The following POU2F1 variants were observed in gnomAD, a reference collection of about 807,000 sequenced individuals.
POU2F1 encodes the protein POU class 2 homeobox 1, also known as POU domain, class 2, transcription factor 1.
POU2F1 carries 16 observed loss-of-function variants against 84.9 expected under a neutral mutation model. That is an observed-to-expected ratio of 0.19 (90% CI 0.13 to 0.29). POU2F1 has a LOEUF of 0.29. Ranked by LOEUF, POU2F1 falls within the 10% of genes least tolerant of loss-of-function variation. The pLI, the probability that POU2F1 is intolerant of heterozygous loss-of-function variation, is 1.00. For synonymous variants in POU2F1, 368 were observed against 368.3 expected, an observed-to-expected ratio of 1.00 and a Z score of 0.01; for missense variants, 738 against 942.6, an observed-to-expected ratio of 0.78 and a Z score of 2.84.
intron 11 of POU2F1, 30 bp downstream of exon 11, chr1:167,398,163 G>C (rs1648943593): frequency 2.5e-6 from 4 of 1,609,662 alleles, no homozygotes; most frequent in Non-Finnish European, 3.4e-6. Flanking sequence ...TTCTGTACAT[G>C]GGATTGTCTG....
At chr1:167,278,970 A>C (rs1652931901) in intron 1 of POU2F1, among the ~76,000 whole-genome samples, 2 of 152,318 alleles carry the variant, frequency 1.3e-5, no homozygotes, top group South Asian at 4.1e-4. Flanking sequence ...ATTTGATTGT[A>C]ATTAGTTAGG....
intron 8 of POU2F1, among the ~76,000 whole-genome samples, chr1:167,388,223 A>G (rs897107320): frequency 1.3e-5 from 2 of 152,216 alleles, no homozygotes; most frequent in African/African-American, 4.8e-5. Flanking sequence ...TAATTGACAC[A>G]TGGGAAAATT....
chr1:167,347,872 C>G (rs905880000), intron 2 of POU2F1, among the ~76,000 whole-genome samples: 1 of 152,064 alleles, frequency 6.6e-6, no homozygotes, highest in African/African-American at 2.4e-5. Flanking sequence ...GTACTCATTC[C>G]TTTTATGGCT....
intron 13 of POU2F1, among the ~76,000 whole-genome samples, chr1:167,402,744 T>G (rs1649297659): frequency 6.6e-6 from 1 of 152,222 alleles, no homozygotes; most frequent in Non-Finnish European, 1.5e-5. Flanking sequence ...TATATAATAT[T>G]GAGCACTTCC....
chr1:167,296,598 A>G (rs1266842100), intron 1 of POU2F1, among the ~76,000 whole-genome samples: 1 of 152,242 alleles, frequency 6.6e-6, no homozygotes, highest in Non-Finnish European at 1.5e-5. Context: ...ATATATTAGG[A>G]AAGTAAAGAA....
chr1:167,348,806 G>A (rs1658370641), intron 2 of POU2F1, among the ~76,000 whole-genome samples: 1 of 152,106 alleles, frequency 6.6e-6, no homozygotes, highest in South Asian at 2.1e-4. Context: ...CTACATCTTA[G>A]CCACACTAAA....
intron 1 of POU2F1, among the ~76,000 whole-genome samples, chr1:167,254,261 G>A (rs557323813): frequency 1.5e-4 from 23 of 152,244 alleles, no homozygotes; most frequent in African/African-American, 5.1e-4. Context: ...TAAAACATTT[G>A]GGAGTCTCAA....
At chr1:167,270,276 A>G (rs959669323) in intron 1 of POU2F1, among the ~76,000 whole-genome samples, 4 of 152,124 alleles carry the variant, frequency 2.6e-5, no homozygotes, top group African/African-American at 7.2e-5. Flanking sequence ...TCTGACTAGC[A>G]TAGCTGAAGT....
intron 2 of POU2F1, among the ~76,000 whole-genome samples, chr1:167,340,111 C>G (rs376364385): frequency 6.6e-6 from 1 of 152,178 alleles, no homozygotes; most frequent in African/African-American, 2.4e-5. Context: ...TGGAATTTCA[C>G]TGTCGTTGCC....
chr1:167,250,083 A>AT lies in POU2F1; in HGVS notation c.61+29135dup, dbSNP rs570183392. The stretch of plus-strand genomic sequence containing the variant: ...GTAGTATCAAATTCTTTTGTGTGTC[A>AT]TTTTTTTTTTCAGTATATTTTCTAA... On this transcript the variant is annotated intron_variant, in intron 1 of 15. Coordinates refer to ENST00000367866, the MANE Select transcript of POU2F1 (RefSeq NM_002697.4). Among the ~76,000 whole-genome samples the AT allele has an allele frequency of 4.2e-3, 624 of 147,124 alleles. 3 individuals carry two copies. The highest frequency in any genetic ancestry group is 0.013 in the African/African-American group (520 of 40,172).
intron 2 of POU2F1, among the ~76,000 whole-genome samples, chr1:167,344,501 A>C (rs1211043861): frequency 6.6e-6 from 1 of 152,162 alleles, no homozygotes; most frequent in East Asian, 1.9e-4. Flanking sequence ...GGCTATATAT[A>C]TGTATCATAG....
chr1:167,306,162 T>A (rs1469759834), intron 1 of POU2F1, among the ~76,000 whole-genome samples: 1 of 152,230 alleles, frequency 6.6e-6, no homozygotes, highest in Non-Finnish European at 1.5e-5. Context: ...TGCTGTATAG[T>A]GTTCACCTGG....
At chr1:167,409,784 A>G (rs1358944201) in intron 13 of POU2F1, among the ~76,000 whole-genome samples, 1 of 152,204 alleles carries the variant, frequency 6.6e-6, no homozygotes, top group Non-Finnish European at 1.5e-5. Context: ...TGAGCTCAAG[A>G]TATTAGGACT....
At chr1:167,278,891 T>C (rs16858861) in intron 1 of POU2F1, among the ~76,000 whole-genome samples, 2,351 of 152,322 alleles carry the variant, frequency 0.015, 65 homozygotes, top group African/African-American at 0.054. Context: ...TACATATTTG[T>C]GTCTTTGAGT....
At chr1:167,368,675 C>T (rs1659833859) in intron 3 of POU2F1, among the ~76,000 whole-genome samples, 2 of 152,250 alleles carry the variant, frequency 1.3e-5, no homozygotes, top group Non-Finnish European at 2.9e-5. Flanking sequence ...CCTGATTACA[C>T]TGTATTTTAA....
rs1039671293 is a variant in POU2F1 at position 167,424,078 on chromosome 1, A to G, written c.*8268A>G. On this transcript the variant is annotated 3_prime_UTR_variant, in exon 16 of 16. Coordinates refer to ENST00000367866, the MANE Select transcript of POU2F1 (RefSeq NM_002697.4). ...AGCTAAAATGACAGTGTCTGCTACA[A>G]AAGGCTGTAGTTGTAGGCAGTCGGG... is the stretch of plus-strand genomic sequence containing the variant. 3 of 152,282 alleles carry G rather than the reference A, an allele frequency of 2.0e-5. No individual in the cohort carries two copies. Among genetic ancestry groups the G allele is most frequent in the African/African-American group, 7.2e-5 (3 of 41,466 alleles). The allele number at this position is 152,282 out of a possible 1,614,324, so 9.4% of individuals were successfully genotyped here.
intron 1 of POU2F1, among the ~76,000 whole-genome samples, chr1:167,244,064 C>T (rs1380257027): frequency 6.6e-6 from 1 of 152,146 alleles, no homozygotes; most frequent in Admixed American, 6.5e-5. Flanking sequence ...GAGCACAGGA[C>T]ACCTGAGATA....
intron 1 of POU2F1, among the ~76,000 whole-genome samples, chr1:167,253,376 G>T (rs1258607805): frequency 6.6e-5 from 8 of 121,558 alleles, no homozygotes; most frequent in African/African-American, 1.2e-4. Context: ...TTATTTTTCT[G>T]CCCCCCCCCC....
intron 1 of POU2F1, among the ~76,000 whole-genome samples, chr1:167,235,778 T>A (rs1649406418): frequency 6.6e-6 from 1 of 152,246 alleles, no homozygotes; most frequent in Admixed American, 6.5e-5. Flanking sequence ...TTCTTTGCAG[T>A]AACTTGGATG....
Sources: gnomAD v4.1 joint callset for allele counts (sites outside exome capture counted in the v4.1 genomes callset) on GRCh38, gnomAD v4.1.1 for gene constraint, MANE v1.5 for transcripts, NCBI Gene and HGNC (gene_info 2026-07-23, HGNC 2026-07-21) for gene names.